Variants in SDK1 observed in about 807,000 individuals in gnomAD.
The protein encoded by SDK1 is sidekick cell adhesion molecule 1, also known as protein sidekick-1.
A neutral mutation model predicts 245.5 loss-of-function variants in SDK1; 157 were observed. The ratio of observed to expected loss-of-function variants is 0.64; its 90% CI spans 0.56 to 0.73. SDK1 has a LOEUF of 0.73. Among genes scored for constraint, SDK1 ranks in the 30% least tolerant of loss-of-function variants. The pLI is 0.00. For synonymous variants in SDK1, 1,647 were observed against 1,278.5 expected (o/e 1.29, Z -6.15); for missense variants, 3,583 against 3,002.3 (o/e 1.19, Z -4.52).
At chr7:3,935,400 C>G (rs941062706) in intron 5 of SDK1, among the ~76,000 whole-genome samples, 1 of 152,182 alleles carries the variant, frequency 6.6e-6, no homozygotes, top group Non-Finnish European at 1.5e-5. Flanking sequence ...AAATTGAAAA[C>G]TCTTCTGTAT....
chr7:3,907,844 C>T (rs144041211), intron 5 of SDK1, among the ~76,000 whole-genome samples: 3 of 152,286 alleles, frequency 2.0e-5, no homozygotes, highest in African/African-American at 7.2e-5. Flanking sequence ...TCTTATTGCT[C>T]AGCTGTGTAC....
chr7:4,133,181 C>T (rs564118143), intron 28 of SDK1, among the ~76,000 whole-genome samples: 2 of 152,308 alleles, frequency 1.3e-5, no homozygotes, highest in South Asian at 2.1e-4. Flanking sequence ...CCCTGGGTCC[C>T]GGGGAACGCG....
chr7:3,379,968 G>C (rs1028719061), intron 1 of SDK1, among the ~76,000 whole-genome samples: 1 of 152,156 alleles, frequency 6.6e-6, no homozygotes, highest in Non-Finnish European at 1.5e-5. Flanking sequence ...AGGCTCTCTG[G>C]TCCTGAACCT....
intron 25 of SDK1, among the ~76,000 whole-genome samples, chr7:4,115,858 C>T (rs532942671): frequency 6.6e-6 from 1 of 152,278 alleles, no homozygotes; most frequent in African/African-American, 2.4e-5. Context: ...CCTTAGGAGA[C>T]ACAGTTGGAA....
intron 42 of SDK1, among the ~76,000 whole-genome samples, chr7:4,240,878 A>AG (rs1554266916): frequency 6.6e-6 from 1 of 152,110 alleles, no homozygotes; most frequent in Non-Finnish European, 1.5e-5. Context: ...GGAGAGCCCC[A>AG]GGGGGAGAAA....
chr7:3,799,487 G>A (rs1166967597), intron 4 of SDK1, among the ~76,000 whole-genome samples: 17 of 151,714 alleles, frequency 1.1e-4, no homozygotes, highest in Admixed American at 9.9e-4. Context: ...GGTGGATCAC[G>A]AGGTCAGGAG....
At chr7:3,992,051 C>T (rs545511477) in intron 14 of SDK1, among the ~76,000 whole-genome samples, 4 of 152,230 alleles carry the variant, frequency 2.6e-5, no homozygotes, top group African/African-American at 2.4e-5. Context: ...TCTGTCCCTC[C>T]GGCTACTTGG....
intron 13 of SDK1, among the ~76,000 whole-genome samples, chr7:3,985,767 A>G (rs1406858652): frequency 2.6e-5 from 4 of 152,238 alleles, no homozygotes; most frequent in Non-Finnish European, 5.9e-5. Context: ...CTACATTAGA[A>G]ATATTAGTAT....
intron 17 of SDK1, among the ~76,000 whole-genome samples, chr7:4,044,886 T>C (rs1444022993): frequency 6.6e-6 from 1 of 152,198 alleles, no homozygotes; most frequent in Non-Finnish European, 1.5e-5. Context: ...GATATGACTA[T>C]TTCTGTCACC....
At chr7:3,460,395 C>T (rs765846560) in intron 1 of SDK1, among the ~76,000 whole-genome samples, 2 of 152,074 alleles carry the variant, frequency 1.3e-5, no homozygotes, top group African/African-American at 4.8e-5. Flanking sequence ...ACAGACTGTA[C>T]GTGTTTATGC....
At chr7:3,395,521 C>A (rs1177353324) in intron 1 of SDK1, among the ~76,000 whole-genome samples, 1 of 151,720 alleles carries the variant, frequency 6.6e-6, no homozygotes, top group Non-Finnish European at 1.5e-5. Context: ...GAGTAATATT[C>A]TTAAATCTAC....
chr7:3,627,841 A>G (rs952467338), intron 2 of SDK1, among the ~76,000 whole-genome samples: 1 of 152,188 alleles, frequency 6.6e-6, no homozygotes, highest in Non-Finnish European at 1.5e-5. Flanking sequence ...AAAAATCCAC[A>G]TATTACACCC....
At chr7:3,376,012 G>C (rs1781346846) in intron 1 of SDK1, among the ~76,000 whole-genome samples, 1 of 152,156 alleles carries the variant, frequency 6.6e-6, no homozygotes, top group African/African-American at 2.4e-5. Flanking sequence ...AAATAAGTTG[G>C]ATTCTTACTG....
At chr7:3,671,085 C>T (rs929213050) in intron 4 of SDK1, among the ~76,000 whole-genome samples, 1 of 152,128 alleles carries the variant, frequency 6.6e-6, no homozygotes, top group African/African-American at 2.4e-5. Context: ...ACTGGGACCT[C>T]AAGGCGGGGG....
chr7:3,770,331 T>A (rs1780373457), intron 4 of SDK1, among the ~76,000 whole-genome samples: 1 of 152,184 alleles, frequency 6.6e-6, no homozygotes, highest in Non-Finnish European at 1.5e-5. Flanking sequence ...GGTCATGGTA[T>A]GGATGTACCA....
chr7:3,783,241 A>G (rs1780800824), intron 4 of SDK1, among the ~76,000 whole-genome samples: 1 of 152,236 alleles, frequency 6.6e-6, no homozygotes, highest in Non-Finnish European at 1.5e-5. Flanking sequence ...CGTGTGAGAG[A>G]ATCCCACAAT....
chr7:3,508,885 A>G (rs1209818332), intron 1 of SDK1, among the ~76,000 whole-genome samples: 2 of 152,216 alleles, frequency 1.3e-5, no homozygotes, highest in Non-Finnish European at 2.9e-5. Context: ...AATGAATGAT[A>G]TTATAGGAAG....
chr7:3,430,490 C>T (rs1562481844), intron 1 of SDK1, among the ~76,000 whole-genome samples: 1 of 152,116 alleles, frequency 6.6e-6, no homozygotes, highest in Non-Finnish European at 1.5e-5. Context: ...ACCTCTGTGA[C>T]CTAGAGGTCA....
rs28640046 is a variant in SDK1, at chr7:4,179,757, C to T, written c.5098+1171C>T. 8.5e-4 allele frequency among the ~76,000 whole-genome samples: 129 copies of T among 151,950 alleles called. 3 individuals carry two copies. The highest frequency in any genetic ancestry group is 6.8e-3 in the Middle Eastern group (2 of 294). On this transcript the variant is annotated intron_variant, in intron 35 of 44. Transcript: ENST00000404826. ...CTGTCAGAGAGGGGTGCCAGGGTGC[C>T]GTCAGTAAAGGGTGGGTGCCACTGC... is the stretch of plus-strand genomic sequence containing the variant.
Sources: gnomAD v4.1 joint callset for allele counts (sites outside exome capture counted in the v4.1 genomes callset) on GRCh38, gnomAD v4.1.1 for gene constraint, MANE v1.5 for transcripts, NCBI Gene and HGNC (gene_info 2026-07-23, HGNC 2026-07-21) for gene names.